PRDM5: variants seen among roughly 807,000 people sequenced by gnomAD.
The protein encoded by PRDM5 is PR domain zinc finger protein 5.
A neutral mutation model predicts 81.2 loss-of-function variants in PRDM5; 56 were observed. The ratio of observed to expected loss-of-function variants is 0.69; its 90% CI spans 0.56 to 0.86. PRDM5 has a LOEUF of 0.86. PRDM5 is among the 40% of genes least tolerant of loss of function. The pLI is 0.00. For missense variants in PRDM5, 697 were observed against 770.1 expected, an observed-to-expected ratio of 0.91 and a Z score of 1.12; for synonymous variants, 267 against 256.4, an observed-to-expected ratio of 1.04 and a Z score of -0.39.
intron 9 of PRDM5, 79 bp from the exon 10 acceptor site, chr4:120,798,503 T>G: frequency 7.8e-7 from 1 of 1,288,990 alleles, no homozygotes; most frequent in Non-Finnish European, 1.1e-6. Context: ...TTACCTTATA[T>G]TACTTCTTAC....
chr4:120,728,002 T>C (rs1286522164), intron 14 of PRDM5, among the ~76,000 whole-genome samples: 1 of 151,718 alleles, frequency 6.6e-6, no homozygotes, highest in African/African-American at 2.4e-5. Context: ...CACTGTCAGT[T>C]TTCTGTCATG....
At position 120,821,356 on chromosome 4, in the gene PRDM5, T is replaced by G. The variant is rs768154639; in HGVS notation, c.301-11A>C. The G allele has an allele frequency of 1.2e-6, 2 of 1,608,848 alleles. No individual in the cohort carries two copies. Among genetic ancestry groups the G allele is most frequent in the Non-Finnish European group, 1.7e-6 (2 of 1,175,636 alleles). Reference sequence around the variant, plus strand: ...AATGTTTTCTCCTTCCTGAAACAAATTTTTTTAAATGCTGAACCATTCATT... The same window carrying G: ...AATGTTTTCTCCTTCCTGAAACAAAGTTTTTTAAATGCTGAACCATTCATT... On this transcript the variant is annotated splice_polypyrimidine_tract_variant and intron_variant, in intron 3 of 15. Transcript: ENST00000264808.
intron 13 of PRDM5, among the ~76,000 whole-genome samples, chr4:120,764,137 C>A (rs1746037771): frequency 6.6e-6 from 1 of 151,980 alleles, no homozygotes. Flanking sequence ...ATGCTATTAT[C>A]TAATAATTTA....
intron 13 of PRDM5, among the ~76,000 whole-genome samples, chr4:120,767,731 TCTGG>T (rs1199231757): frequency 2.0e-5 from 3 of 152,194 alleles, no homozygotes; most frequent in Admixed American, 6.5e-5. Flanking sequence ...TGTGATATGG[TCTGG>T]CTGTGTCCCC....
intron 14 of PRDM5, among the ~76,000 whole-genome samples, chr4:120,724,555 T>A (rs1457315595): frequency 6.6e-6 from 1 of 152,192 alleles, no homozygotes; most frequent in East Asian, 1.9e-4. Context: ...ACTGAACTAA[T>A]TCAATTTGGT....
intron 10 of PRDM5, among the ~76,000 whole-genome samples, chr4:120,792,884 C>T (rs1038068413): frequency 4.6e-5 from 7 of 152,078 alleles, no homozygotes; most frequent in South Asian, 2.1e-4. Flanking sequence ...GAGGGTAGAA[C>T]GGTGGTTGCC....
At chr4:120,717,290 A>AACTGTGTAATTACACAGTTT (rs1737935670) in intron 14 of PRDM5, among the ~76,000 whole-genome samples, 1 of 152,138 alleles carries the variant, frequency 6.6e-6, no homozygotes. Flanking sequence ...TTGTCAGTTA[A>AACTGTGTAATTACACAGTTT]ACTGTGTAAT....
chr4:120,912,061 C>T (rs749942929), intron 1 of PRDM5, among the ~76,000 whole-genome samples: 11 of 152,078 alleles, frequency 7.2e-5, no homozygotes, highest in African/African-American at 2.7e-4. Flanking sequence ...TTTGAGTTAG[C>T]GAATCACCAT....
rs576226950 is a variant in PRDM5, at chr4:120,693,455, T to C, written c.*1656A>G. ...ATATAGTGAGAAACAAGACCAAAAT[T>C]TATTTTTATAAAATACAGTCTATAA... On this transcript the variant is annotated 3_prime_UTR_variant, in exon 16 of 16. Coordinates refer to ENST00000264808, the MANE Select transcript of PRDM5 (RefSeq NM_018699.4). 1 of 152,216 alleles carries C rather than the reference T, an allele frequency of 6.6e-6. No individual in the cohort carries two copies. The highest frequency in any genetic ancestry group is 1.5e-5 in the Non-Finnish European group (1 of 67,984). 9.4% of individuals were successfully genotyped at this position (152,216 alleles called of 1,614,324 possible). A position where few individuals can be genotyped will look rare whatever the true frequency, so the allele number is the denominator to read the frequency against.
intron 3 of PRDM5, among the ~76,000 whole-genome samples, chr4:120,834,341 G>A (rs1757094189): frequency 6.6e-6 from 1 of 152,074 alleles, no homozygotes; most frequent in Non-Finnish European, 1.5e-5. Flanking sequence ...CTCATCAATG[G>A]GATTAGTGCC....
chr4:120,807,142 A>G (rs868750875), intron 8 of PRDM5, among the ~76,000 whole-genome samples: 2 of 152,222 alleles, frequency 1.3e-5, no homozygotes, highest in Admixed American at 6.5e-5. Flanking sequence ...AATCACAACC[A>G]CAATGAGATA....
rs763103689 is a variant in PRDM5, at chr4:120,697,958, TAAAATA to T, written c.1729-2689_1729-2684del. ...TGTATTAATAAGTATACAAATAAAA[TAAAATA>T]AAAAAAAAGAAAATGTCAATAGATT... On this transcript the variant is annotated intron_variant, in intron 15 of 15. Coordinates refer to ENST00000264808, the MANE Select transcript of PRDM5 (RefSeq NM_018699.4). Among the ~76,000 whole-genome samples, 508 of 64,532 alleles carry T rather than the reference TAAAATA, an allele frequency of 7.9e-3. 6 individuals carry two copies. The highest frequency in any genetic ancestry group is 0.036 in the Middle Eastern group (5 of 140). The allele number at this position is 64,532 out of a possible 152,430, so 42.3% of individuals were successfully genotyped here. A position where few individuals can be genotyped will look rare whatever the true frequency, so the allele number is the denominator to read the frequency against.
intron 14 of PRDM5, among the ~76,000 whole-genome samples, chr4:120,724,239 C>A (rs898450898): frequency 3.3e-5 from 5 of 151,912 alleles, no homozygotes; most frequent in African/African-American, 1.2e-4. Flanking sequence ...CGGTATTAGG[C>A]AAGACACTGT....
intron 14 of PRDM5, among the ~76,000 whole-genome samples, chr4:120,728,061 C>T (rs1245375944): frequency 6.6e-6 from 1 of 152,098 alleles, no homozygotes. Flanking sequence ...ACAGCTTAGC[C>T]TGGCCCAACT....
intron 3 of PRDM5, among the ~76,000 whole-genome samples, chr4:120,835,285 A>T (rs1757211089): frequency 6.6e-6 from 1 of 152,206 alleles, no homozygotes; most frequent in African/African-American, 2.4e-5. Flanking sequence ...AGTACTACTG[A>T]AGTATATAAT....
chr4:120,791,749 T>G (rs1750604455), intron 10 of PRDM5, among the ~76,000 whole-genome samples: 1 of 152,212 alleles, frequency 6.6e-6, no homozygotes, highest in East Asian at 1.9e-4. Flanking sequence ...AATTCATAGG[T>G]TGCGTCTTAA....
Position 120,864,981 on chromosome 4 carries a change from C to T in PRDM5, c.178-11441G>A, listed in dbSNP as rs113511028. Among the ~76,000 whole-genome samples, 662 of 152,226 alleles carry T rather than the reference C, an allele frequency of 4.3e-3. 6 individuals carry two copies. Among genetic ancestry groups the T allele is most frequent in the African/African-American group, 0.015 (637 of 41,522 alleles). On this transcript the variant is annotated intron_variant, in intron 2 of 15. Coordinates refer to ENST00000264808, the MANE Select transcript of PRDM5 (RefSeq NM_018699.4). ...CCCTGCTACAGACACAGCTGTGTCT[C>T]GCATCAATAACTGCTCTGGCAACAA...
At chr4:120,910,131 T>C (rs750646488) in intron 1 of PRDM5, among the ~76,000 whole-genome samples, 41 of 152,168 alleles carry the variant, frequency 2.7e-4, no homozygotes, top group Non-Finnish European at 5.6e-4. Context: ...TGGGCTGCGA[T>C]TCACAGCTTG....
rs149601101 is a variant in PRDM5 at position 120,685,357 on chromosome 4, ATCT to A, written n.104-335_104-333del. 6.7e-3 allele frequency among the ~76,000 whole-genome samples: 1,023 copies of A among 152,220 alleles called. 10 individuals are homozygous for A. Among genetic ancestry groups the A allele is most frequent in the African/African-American group, 0.021 (892 of 41,558 alleles). On this transcript the variant is annotated intron_variant and non_coding_transcript_variant, in intron 1 of 1. Coordinates refer to the PRDM5 transcript ENST00000513741. ...CTGATAGTCTAGGTACTGATAAAAT[ATCT>A]TCTTTTGATGTTTTAGTTAAAAGAA...
Sources: gnomAD v4.1 joint callset for allele counts (sites outside exome capture counted in the v4.1 genomes callset) on GRCh38, gnomAD v4.1.1 for gene constraint, MANE v1.5 for transcripts, NCBI Gene and HGNC (gene_info 2026-07-23, HGNC 2026-07-21) for gene names.